Variants in N4BP2 observed in about 807,000 individuals in gnomAD.
N4BP2 encodes the protein NEDD4-binding protein 2.
Under a neutral mutation model 152.8 loss-of-function variants are expected in N4BP2, and 91 were observed. The ratio of observed to expected loss-of-function variants is 0.60; its 90% CI spans 0.50 to 0.71. N4BP2 has a LOEUF of 0.71. N4BP2 is among the 30% of genes least tolerant of loss of function. The pLI, the probability that N4BP2 is intolerant of heterozygous loss-of-function variation, is 0.00. For synonymous variants in N4BP2, 646 were observed against 705.3 expected, an observed-to-expected ratio of 0.92 and a Z score of 1.33; for missense variants, 1,923 against 2,059.1, an observed-to-expected ratio of 0.93 and a Z score of 1.28.
At chr4:40,135,396 C>T (rs1179319102) in intron 13 of N4BP2, among the ~76,000 whole-genome samples, 7 of 151,534 alleles carry the variant, frequency 4.6e-5, no homozygotes, top group Non-Finnish European at 1.0e-4. Context: ...GTGAATAGTG[C>T]TGCAATAAAC....
rs555457361 is a variant in N4BP2, at chr4:40,121,263, C to A, written c.3152C>A (p.Pro1051Gln). ...ACAGGAAGATTAGATGGATTTAAGC[C>A]GAAAGTTTTCAATATTAACACAAAA... ...VLTGRLDGFK[P>Q]KVFNINTKSD... The change falls in exon 9 of 18, where the codon CCG becomes CAG. Residue 1051 changes from proline (P) to glutamine (Q), a missense_variant. Transcript: ENST00000261435. 2 of 1,613,002 alleles carry A rather than the reference C, an allele frequency of 1.2e-6. No homozygotes were observed. Among genetic ancestry groups the A allele is most frequent in the East Asian group, 2.2e-5 (1 of 44,874 alleles).
intron 1 of N4BP2, among the ~76,000 whole-genome samples, chr4:40,064,175 C>T (rs1733862136): frequency 6.6e-6 from 1 of 152,168 alleles, no homozygotes; most frequent in South Asian, 2.1e-4. Flanking sequence ...AAGAGATGCC[C>T]TGTACTATGG....
chr4:40,121,758 C>T lies in N4BP2; in HGVS notation c.3647C>T (p.Ser1216Leu), dbSNP rs150403405. The T allele has an allele frequency of 5.0e-6, 8 of 1,613,718 alleles. No individual in the cohort carries two copies. The highest frequency in any genetic ancestry group is 1.6e-4 in the Middle Eastern group (1 of 6,080). The change falls in exon 9 of 18, where the codon TCG (serine) becomes TTG (leucine). Residue 1216 changes from serine to leucine, a missense_variant. Coordinates refer to ENST00000261435, the MANE Select transcript of N4BP2 (RefSeq NM_018177.6). ...GCTGTCACTCCTGAAAACCATGAAT[C>T]GATGACAAGTATATTTCCCAGTGCT... ...MRAVTPENHESMTSIFPSAAV... is the reference protein window; with the variant it reads ...MRAVTPENHELMTSIFPSAAV...
At chr4:40,125,007 G>A (rs911501961) in intron 11 of N4BP2, among the ~76,000 whole-genome samples, 2 of 152,212 alleles carry the variant, frequency 1.3e-5, no homozygotes, top group Admixed American at 6.5e-5. Context: ...TTCAGTGACT[G>A]TTGCAGGGTG....
chr4:40,176,036 G>A, the N4BP2 span, among the ~76,000 whole-genome samples: 1 of 148,588 alleles, frequency 6.7e-6, no homozygotes, highest in Non-Finnish European at 1.5e-5. Flanking sequence ...ATTGCAGTGA[G>A]TTGAGATCGG....
In N4BP2 at chr4:40,122,252, C is replaced by T. The variant is rs758645676; in HGVS notation, c.4141C>T (p.Pro1381Ser). 3.8e-6 allele frequency: 6 copies of T among 1,597,946 alleles called. No individual in the cohort carries two copies. The African/African-American group carries it at 8.1e-5, about 22-fold the overall frequency. ...CATAGACTGTCTGGAATTGGCATTA[C>T]CCCCTGAACTGGCTTTTCAACTTAA... ...LTIDCLELALPPELAFQLNEL... is the reference protein window; with the variant it reads ...LTIDCLELALSPELAFQLNEL... The change falls in exon 9 of 18, where the codon CCC becomes TCC. Residue 1381 changes from proline (P) to serine (S), a missense_variant. Transcript: ENST00000261435.
chr4:40,169,566 G>GAA, the N4BP2 span, among the ~76,000 whole-genome samples: 1 of 149,020 alleles, frequency 6.7e-6, no homozygotes, highest in Admixed American at 6.7e-5. Context: ...ACTTTGTAAA[G>GAA]AAAAAAAGGG....
chr4:40,081,835 G>A (rs1246775401), intron 2 of N4BP2, among the ~76,000 whole-genome samples: 1 of 151,746 alleles, frequency 6.6e-6, no homozygotes, highest in African/African-American at 2.4e-5. Flanking sequence ...AAATAAGGTT[G>A]GGTGCTGTGG....
intron 2 of N4BP2, among the ~76,000 whole-genome samples, chr4:40,074,249 C>T (rs920459718): frequency 3.0e-5 from 2 of 66,138 alleles, no homozygotes; most frequent in Non-Finnish European, 8.4e-5. Flanking sequence ...TGCCACCATG[C>T]CCAGCTAATT....
At chr4:40,137,139 A>T (rs751533860) in intron 14 of N4BP2, 57 bp downstream of exon 14, 1 of 1,329,234 alleles carries the variant, frequency 7.5e-7, no homozygotes, top group Non-Finnish European at 1.0e-6. Flanking sequence ...TAAAAATATA[A>T]TTGGTTCATT....
At chr4:40,062,037 A>G (rs1245090888) in intron 1 of N4BP2, among the ~76,000 whole-genome samples, 3 of 133,350 alleles carry the variant, frequency 2.2e-5, no homozygotes, top group African/African-American at 5.6e-5. Flanking sequence ...TTATTTATTT[A>G]TTTATTTTTG....
intron 7 of N4BP2, among the ~76,000 whole-genome samples, chr4:40,116,652 C>T (rs1717366182): frequency 6.6e-6 from 1 of 152,034 alleles, no homozygotes; most frequent in Admixed American, 6.6e-5. Flanking sequence ...TTCACTTATT[C>T]ATCTAGTTAT....
intron 7 of N4BP2, among the ~76,000 whole-genome samples, chr4:40,114,379 G>GT (rs1207876949): frequency 6.6e-6 from 1 of 152,122 alleles, no homozygotes; most frequent in African/African-American, 2.4e-5. Flanking sequence ...CCTACAAGCA[G>GT]TTACTCTAGT....
chr4:40,136,242 A>G (rs1719367847), intron 13 of N4BP2, among the ~76,000 whole-genome samples: 1 of 152,214 alleles, frequency 6.6e-6, no homozygotes, highest in Admixed American at 6.5e-5. Flanking sequence ...GTTTGAAGGA[A>G]ACCACATATA....
the N4BP2 span, among the ~76,000 whole-genome samples, chr4:40,177,637 G>GA: frequency 2.0e-5 from 3 of 151,446 alleles, no homozygotes; most frequent in African/African-American, 7.3e-5. Context: ...TAAATAAGAA[G>GA]AAAAAAAATA....
chr4:40,145,594 C>A (rs1720440829), intron 16 of N4BP2, among the ~76,000 whole-genome samples: 1 of 152,006 alleles, frequency 6.6e-6, no homozygotes, highest in South Asian at 2.1e-4. Flanking sequence ...ACTTTAAGAG[C>A]CGTTTAAATT....
At chr4:40,130,932 G>A (rs887670782) in intron 12 of N4BP2, among the ~76,000 whole-genome samples, 4 of 151,962 alleles carry the variant, frequency 2.6e-5, no homozygotes, top group African/African-American at 9.7e-5. Context: ...ATATTTTTAG[G>A]AAAGTTCTTT....
chr4:40,121,627 T>A lies in N4BP2; in HGVS notation c.3516T>A (p.Ser1172=), dbSNP rs769077907. The change falls in exon 9 of 18, where the codon TCT becomes TCA. Residue 1172 remains serine (S), a synonymous_variant. Transcript: ENST00000261435. ...IISQRGTLEN[S]NSPVPEFSHG... is the part of the protein sequence containing the mutation. ...GCCAAAGAGGAACTTTAGAGAATTCTAATTCTCCTGTGCCAGAGTTTAGCC... is the reference window on the plus strand; with the variant it reads ...GCCAAAGAGGAACTTTAGAGAATTCAAATTCTCCTGTGCCAGAGTTTAGCC... The A allele has an allele frequency of 6.2e-7, 1 of 1,614,170 alleles. No individual in the cohort carries two copies. Among genetic ancestry groups the A allele is most frequent in the South Asian group, 1.1e-5 (1 of 91,086 alleles).
chr4:40,120,046 G>A lies in N4BP2; in HGVS notation c.1935G>A (p.Met645Ile), dbSNP rs747946850. The change falls in exon 9 of 18, where the codon ATG (methionine) becomes ATA (isoleucine). Residue 645 changes from methionine (M) to isoleucine (I), a missense_variant. By Grantham distance (10) the Met-to-Ile change is conservative (BLOSUM62 1). Transcript: ENST00000261435. ...ATCTTGATGTAACCAAAGAAACAAT[G>A]TTACCTGAGAATGTTGCATATCTCT... ...EKNLDVTKET[M>I]LPENVAYLSN... The A allele has an allele frequency of 1.2e-5, 19 of 1,607,558 alleles. No homozygotes were observed. The South Asian group carries it at 2.1e-4, about 18-fold the overall frequency.
Sources: gnomAD v4.1 joint callset for allele counts (sites outside exome capture counted in the v4.1 genomes callset) on GRCh38, gnomAD v4.1.1 for gene constraint, MANE v1.5 for transcripts, NCBI Gene and HGNC (gene_info 2026-07-23, HGNC 2026-07-21) for gene names.